The following ELOVL6 variants were observed in gnomAD, a reference collection of about 807,000 sequenced individuals.
ELOVL6 encodes very long chain fatty acid elongase 6.
A neutral mutation model predicts 31.7 loss-of-function variants in ELOVL6; 8 were observed. The observed-to-expected ratio is 0.25, with a 90% CI of 0.15 to 0.45. The LOEUF is 0.45. Ranked by LOEUF, ELOVL6 falls within the 20% of genes least tolerant of loss-of-function variation. The pLI is 1.00. For missense variants in ELOVL6, 126 were observed against 326.4 expected (o/e 0.39, Z 4.73); for synonymous variants, 101 against 117.7 (o/e 0.86, Z 0.92).
intron 1 of ELOVL6, among the ~76,000 whole-genome samples, chr4:110,157,339 TAGAG>T (rs2126267675): frequency 6.6e-6 from 1 of 152,144 alleles, no homozygotes; most frequent in South Asian, 2.1e-4. Flanking sequence ...ACACAGTAAT[TAGAG>T]GGAGGGAAAA....
intron 2 of ELOVL6, among the ~76,000 whole-genome samples, chr4:110,094,851 C>A (rs930662509): frequency 7.9e-5 from 12 of 152,078 alleles, no homozygotes; most frequent in African/African-American, 2.9e-4. Flanking sequence ...AGTGAAGTGA[C>A]TGGAAATGAT....
At chr4:110,140,688 A>AT (rs1478099570) in intron 1 of ELOVL6, among the ~76,000 whole-genome samples, 2 of 151,884 alleles carry the variant, frequency 1.3e-5, no homozygotes, top group Non-Finnish European at 1.5e-5. Flanking sequence ...TCTAAATGAT[A>AT]TTAAGCTTGT....
chr4:110,180,221 T>C (rs1311063470), intron 1 of ELOVL6, among the ~76,000 whole-genome samples: 2 of 152,218 alleles, frequency 1.3e-5, no homozygotes, highest in African/African-American at 4.8e-5. Flanking sequence ...GCCTGAATTA[T>C]CTGTGTGAAA....
intron 1 of ELOVL6, among the ~76,000 whole-genome samples, chr4:110,158,585 G>GTATATATATACATCTATATATATATT (rs1758525743): frequency 7.9e-6 from 1 of 126,132 alleles, no homozygotes; most frequent in Non-Finnish European, 1.6e-5. Flanking sequence ...ATATATATAT[G>GTATATATATACATCTATATATATATT]TATATATATA....
intron 3 of ELOVL6, among the ~76,000 whole-genome samples, chr4:110,057,707 C>T (rs1274246387): frequency 2.0e-5 from 3 of 151,564 alleles, no homozygotes; most frequent in East Asian, 1.9e-4. Flanking sequence ...AAAAATTAGC[C>T]GGGTGTAGTG....
At chr4:110,189,489 A>G (rs1439306825) in intron 1 of ELOVL6, among the ~76,000 whole-genome samples, 1 of 147,650 alleles carries the variant, frequency 6.8e-6, no homozygotes, top group Non-Finnish European at 1.5e-5. Flanking sequence ...CAGAAGGCTG[A>G]GGCAGGGGAA....
chr4:110,159,486 A>T (rs1292658282), intron 1 of ELOVL6, among the ~76,000 whole-genome samples: 1 of 152,082 alleles, frequency 6.6e-6, no homozygotes, highest in Non-Finnish European at 1.5e-5. Flanking sequence ...TTTAAAAGTC[A>T]AGTAACACAG....
chr4:110,187,418 G>T (rs1013787646), intron 1 of ELOVL6, among the ~76,000 whole-genome samples: 1 of 150,666 alleles, frequency 6.6e-6, no homozygotes, highest in Non-Finnish European at 1.5e-5. Context: ...ACAAATGAAG[G>T]CTTCTCAAGT....
intron 1 of ELOVL6, among the ~76,000 whole-genome samples, chr4:110,196,844 C>G (rs1304109657): frequency 6.6e-6 from 1 of 152,130 alleles, no homozygotes; most frequent in Non-Finnish European, 1.5e-5. Context: ...GGGGCCCGGA[C>G]CAGCCCGCGG....
At position 110,084,440 on chromosome 4, in the gene ELOVL6, G is replaced by T. The variant is rs988037805; in HGVS notation, c.221+21057C>A. Among the ~76,000 whole-genome samples the T allele has an allele frequency of 9.9e-5, 8 of 80,476 alleles. 1 individual carries two copies. The highest frequency in any genetic ancestry group is 9.8e-4 in the South Asian group (3 of 3,062). The allele number at this position is 80,476 out of a possible 152,430, so 52.8% of individuals were successfully genotyped here. On this transcript the variant is annotated intron_variant, in intron 2 of 3. Transcript: ENST00000302274. ...ATGATATATCACATATATCATATAT[G>T]ATATATCGCATATATCATATATGAT...
intron 2 of ELOVL6, among the ~76,000 whole-genome samples, chr4:110,097,530 AAAT>A (rs1392593082): frequency 2.0e-5 from 3 of 152,102 alleles, no homozygotes; most frequent in African/African-American, 7.2e-5. Context: ...TTGGGCTTTT[AAAT>A]AATAATACAG....
chr4:110,182,639 T>C (rs1464822457), intron 1 of ELOVL6, among the ~76,000 whole-genome samples: 1 of 152,178 alleles, frequency 6.6e-6, no homozygotes, highest in Non-Finnish European at 1.5e-5. Flanking sequence ...CCGGGCGCGG[T>C]GGCTCATGCT....
At chr4:110,079,075 C>T (rs1455882837) in intron 2 of ELOVL6, among the ~76,000 whole-genome samples, 1 of 152,162 alleles carries the variant, frequency 6.6e-6, no homozygotes, top group African/African-American at 2.4e-5. Flanking sequence ...TACAGGAGCA[C>T]CCAGATTCAT....
chr4:110,198,429 C>G lies in ELOVL6; in HGVS notation c.-94G>C. ...TCGAGTGTTCTCCTGTCTGCTTCCCCCACCCACCCCCCTAGGTCTTCCCCA... is the reference window on the plus strand; with the variant it reads ...TCGAGTGTTCTCCTGTCTGCTTCCCGCACCCACCCCCCTAGGTCTTCCCCA... On this transcript the variant is annotated 5_prime_UTR_variant, in exon 1 of 4. Transcript: ENST00000302274. 1.3e-6 allele frequency: 1 copy of G among 766,266 alleles called. No homozygotes were observed. Among genetic ancestry groups the G allele is most frequent in the Non-Finnish European group, 2.2e-6 (1 of 450,114 alleles). The allele number at this position is 766,266 out of a possible 1,614,324, so 47.5% of individuals were successfully genotyped here. A position where few individuals can be genotyped will look rare whatever the true frequency, so the allele number is the denominator to read the frequency against.
chr4:110,131,981 G>A (rs1385639080), intron 1 of ELOVL6, among the ~76,000 whole-genome samples: 1 of 152,204 alleles, frequency 6.6e-6, no homozygotes, highest in African/African-American at 2.4e-5. Context: ...GGGGGAAGAG[G>A]TGCTTCTGCA....
rs1754710746 is a variant in ELOVL6 at position 110,046,968 on chromosome 4, GTA to G, written c.*4368_*4369del. On this transcript the variant is annotated 3_prime_UTR_variant, in exon 4 of 4. Coordinates refer to ENST00000302274, the MANE Select transcript of ELOVL6 (RefSeq NM_024090.3). ...TCTGAGGCACAAAGAATCAGGTGTT[GTA>G]TAGAAAAGACAAAGAACGATGTTTC... is the stretch of plus-strand genomic sequence containing the variant. The G allele has an allele frequency of 6.6e-6, 1 of 152,198 alleles. No individual in the cohort carries two copies. Among genetic ancestry groups the G allele is most frequent in the Admixed American group, 6.5e-5 (1 of 15,272 alleles). The allele number at this position is 152,198 out of a possible 1,614,324, so 9.4% of individuals were successfully genotyped here.
intron 3 of ELOVL6, among the ~76,000 whole-genome samples, chr4:110,057,854 G>GA (rs1248115566): frequency 1.9e-3 from 250 of 131,478 alleles, no homozygotes; most frequent in Non-Finnish European, 3.0e-3. Flanking sequence ...CTGTCTCAGG[G>GA]AAAAAAAAAA....
At chr4:110,132,681 CA>C (rs898400770) in intron 1 of ELOVL6, among the ~76,000 whole-genome samples, 6 of 150,810 alleles carry the variant, frequency 4.0e-5, no homozygotes, top group Admixed American at 6.6e-5. Context: ...TCAAAAAATA[CA>C]AAAAAAAATT....
intron 1 of ELOVL6, among the ~76,000 whole-genome samples, chr4:110,175,914 CTCATG>C (rs1319661533): frequency 2.0e-5 from 3 of 151,892 alleles, no homozygotes; most frequent in Non-Finnish European, 4.4e-5. Flanking sequence ...GTTTTAGGAT[CTCATG>C]TCATGTAATG....
Sources: gnomAD v4.1 joint callset for allele counts (sites outside exome capture counted in the v4.1 genomes callset) on GRCh38, gnomAD v4.1.1 for gene constraint, MANE v1.5 for transcripts, NCBI Gene and HGNC (gene_info 2026-07-23, HGNC 2026-07-21) for gene names.